Variants in DTX4 observed in about 807,000 individuals in gnomAD.
DTX4 encodes the protein deltex E3 ubiquitin ligase 4, also known as E3 ubiquitin-protein ligase DTX4.
A neutral mutation model predicts 57.6 loss-of-function variants in DTX4; 28 were observed. That is an observed-to-expected ratio of 0.49 (90% confidence interval 0.36 to 0.67). The LOEUF (loss-of-function observed/expected upper bound fraction) is 0.67, where lower values mean the gene tolerates loss of function less well. DTX4 is among the 30% of genes least tolerant of loss of function. The pLI is 0.00. For missense variants in DTX4, 715 were observed against 836.8 expected, an observed-to-expected ratio of 0.85 and a Z score of 1.80; for synonymous variants, 316 against 331.0, an observed-to-expected ratio of 0.95 and a Z score of 0.49.
intron 4 of DTX4, among the ~76,000 whole-genome samples, chr11:59,190,198 T>A (rs1862578844): frequency 6.6e-6 from 1 of 152,212 alleles, no homozygotes; most frequent in Non-Finnish European, 1.5e-5. Context: ...CGTCAAGATT[T>A]CCCTGCTTAA....
rs1862333520 is a variant in DTX4, at chr11:59,172,232, G to T, written c.-364G>T. ...GGTCCTTGCCTCGCCGTCAGCCCCA[G>T]CTCGCGGCCGCCGGGGCTCGGGCCG... is the stretch of plus-strand genomic sequence containing the variant. On this transcript the variant is annotated 5_prime_UTR_variant, in exon 1 of 9. Transcript: ENST00000227451. Among the ~76,000 whole-genome samples, 1 of 152,092 alleles carries T rather than the reference G, an allele frequency of 6.6e-6. No individual in the cohort carries two copies. Among genetic ancestry groups the T allele is most frequent in the Admixed American group, 6.5e-5 (1 of 15,278 alleles).
chr11:59,171,967 G>T (rs1252778658), upstream of DTX4, among the ~76,000 whole-genome samples: 3 of 152,138 alleles, frequency 2.0e-5, no homozygotes, highest in Admixed American at 2.0e-4. Flanking sequence ...GGAAACACAC[G>T]CGGGCGCGGG....
Position 59,205,022 on chromosome 11 carries a change from C to G in DTX4, c.*113C>G. On this transcript the variant is annotated 3_prime_UTR_variant, in exon 9 of 9. Coordinates refer to ENST00000227451, the MANE Select transcript of DTX4 (RefSeq NM_015177.2). ...CCTGCCCTCCCAACTTTCTATCCTC[C>G]CCTCCTGCCCTGTGTCCATCCCTCA... The G allele has an allele frequency of 1.1e-6, 1 of 886,202 alleles. No homozygotes were observed. Among genetic ancestry groups the G allele is most frequent in the Non-Finnish European group, 1.7e-6 (1 of 571,602 alleles). The allele number at this position is 886,202 out of a possible 1,614,324, so 54.9% of individuals were successfully genotyped here. A position where few individuals can be genotyped will look rare whatever the true frequency, so the allele number is the denominator to read the frequency against.
In DTX4 at chr11:59,207,197, A is replaced by G. The variant is rs779895779; in HGVS notation, c.*2288A>G. ...GGAGGTGGGGAAGAAAAGAAGACAG[A>G]CTTTCAAAATGGAATTAGGCACTGG... On this transcript the variant is annotated 3_prime_UTR_variant, in exon 9 of 9. Transcript: ENST00000227451. The G allele has an allele frequency of 1.3e-5, 2 of 152,308 alleles. No individual in the cohort carries two copies. Among genetic ancestry groups the G allele is most frequent in the Admixed American group, 1.3e-4 (2 of 15,288 alleles). 9.4% of individuals were successfully genotyped at this position (152,308 alleles called of 1,614,324 possible). A position where few individuals can be genotyped will look rare whatever the true frequency, so the allele number is the denominator to read the frequency against.
chr11:59,195,191 T>C lies in DTX4; in HGVS notation c.1375-17T>C, dbSNP rs1399520035. ...AAACTGTTTCCCAATCTGGCTCTTC[T>C]GGCCTTGGCCCCTCAGGATGGAAGT... On this transcript the variant is annotated splice_polypyrimidine_tract_variant and intron_variant, in intron 6 of 8. Transcript: ENST00000227451. The C allele has an allele frequency of 6.2e-7, 1 of 1,613,986 alleles. No individual in the cohort carries two copies.
In DTX4 at chr11:59,195,276, G is replaced by T; in HGVS notation, c.1443G>T (p.Gly481=). ...YGVKTGTQPP[G]KMEYHLIPHS... ...TGAAGACAGGCACCCAACCTCCAGG[G>T]AAGATGGAGTACCACCTCATCCCCC... Residue 481 remains glycine, a synonymous_variant, in exon 7 of 9, where the codon GGG becomes GGT. Transcript: ENST00000227451. 3 of 1,613,914 alleles carry T rather than the reference G, an allele frequency of 1.9e-6. No homozygotes were observed. The highest frequency in any genetic ancestry group is 2.5e-6 in the Non-Finnish European group (3 of 1,179,854).
At chr11:59,202,335 G>A (rs1268776089) in intron 8 of DTX4, among the ~76,000 whole-genome samples, 2 of 152,206 alleles carry the variant, frequency 1.3e-5, no homozygotes, top group Admixed American at 1.3e-4. Flanking sequence ...CTAGCTGTGG[G>A]AACTGGTTGG....
chr11:59,190,965 A>G (rs1472954142), intron 4 of DTX4, 149 bp from the exon 5 acceptor site: 2 of 680,462 alleles, frequency 2.9e-6, no homozygotes, highest in African/African-American at 1.8e-5. Context: ...ACTCTCTTCC[A>G]TGTTCTTAAC....
intron 1 of DTX4, among the ~76,000 whole-genome samples, chr11:59,180,531 G>A (rs1215247394): frequency 6.6e-6 from 1 of 152,190 alleles, no homozygotes; most frequent in Non-Finnish European, 1.5e-5. Flanking sequence ...TGGAGGAGGG[G>A]TGGGTCAGAG....
Position 59,185,998 on chromosome 11 carries a change from G to A in DTX4, c.936-2737G>A, listed in dbSNP as rs115865722. Reference sequence around the variant, plus strand: ...AAGGCAAAGCAGGTCAGTGCTGAGCGGGGCTAAAACAAAGACTCCCTGACT... The same window carrying A: ...AAGGCAAAGCAGGTCAGTGCTGAGCAGGGCTAAAACAAAGACTCCCTGACT... On this transcript the variant is annotated intron_variant, in intron 2 of 8. Transcript: ENST00000227451. 4.6e-3 allele frequency among the ~76,000 whole-genome samples: 702 copies of A among 152,212 alleles called. 6 individuals carry two copies. The highest frequency in any genetic ancestry group is 0.016 in the African/African-American group (677 of 41,528).
In DTX4 at chr11:59,172,532, G is replaced by T; in HGVS notation, c.-64G>T. 1 of 1,150,552 alleles carries T rather than the reference G, an allele frequency of 8.7e-7. No individual in the cohort carries two copies. Among genetic ancestry groups the T allele is most frequent in the Middle Eastern group, 3.3e-4 (1 of 3,066 alleles). 71.3% of individuals were successfully genotyped at this position (1,150,552 alleles called of 1,614,324 possible). ...CGGAGGCGGCGGCGCAGGAGGAAGC[G>T]GAGGAGGTCGGGCGCTCGGGGCCCG... On this transcript the variant is annotated 5_prime_UTR_variant, in exon 1 of 9. Transcript: ENST00000227451.
At chr11:59,204,192 G>T (rs1862774435) in intron 8 of DTX4, among the ~76,000 whole-genome samples, 1 of 152,108 alleles carries the variant, frequency 6.6e-6, no homozygotes. Flanking sequence ...TTCAGCTTTG[G>T]ATAAATTAAT....
intron 5 of DTX4, 85 bp downstream of exon 5, chr11:59,191,260 G>A: frequency 7.3e-7 from 1 of 1,365,914 alleles, no homozygotes; most frequent in Middle Eastern, 1.8e-4. Flanking sequence ...TACAGGATAT[G>A]GCGGGGGCTG....
intron 7 of DTX4, among the ~76,000 whole-genome samples, chr11:59,197,602 C>T (rs940474395): frequency 1.3e-5 from 2 of 152,120 alleles, no homozygotes; most frequent in African/African-American, 4.8e-5. Flanking sequence ...GAAGGCTAGT[C>T]AGGCAAAAGA....
chr11:59,184,579 C>G (rs1274966728), intron 2 of DTX4, among the ~76,000 whole-genome samples: 1 of 152,188 alleles, frequency 6.6e-6, no homozygotes, highest in Non-Finnish European at 1.5e-5. Context: ...GTGCCCTTGA[C>G]AAATGCCAAG....
chr11:59,199,891 CTT>C, intron 8 of DTX4, 118 bp downstream of exon 8: 4 of 827,596 alleles, frequency 4.8e-6, no homozygotes, highest in Non-Finnish European at 7.6e-6. Flanking sequence ...AACTGTGTCT[CTT>C]TTAAGTCTAG....
At position 59,200,720 on chromosome 11, in the gene DTX4, T is replaced by TA. The variant is rs80039420; in HGVS notation, c.1626+953dup. On this transcript the variant is annotated intron_variant, in intron 8 of 8. Transcript: ENST00000227451. ...GGTTCTATGAACTCTAAAATTAGAA[T>TA]AAAAAATTTATGTTTGTATTTCTAT... 4.1e-4 allele frequency among the ~76,000 whole-genome samples: 63 copies of TA among 152,330 alleles called. 1 individual carries two copies. In the East Asian group the frequency reaches 0.012, roughly 28 times the overall value.
chr11:59,199,560 TTC>T, intron 7 of DTX4, 122 bp from the exon 8 acceptor site: 1 of 794,164 alleles, frequency 1.3e-6, no homozygotes, highest in Non-Finnish European at 2.0e-6. Flanking sequence ...TTTGGGTCTG[TTC>T]TCTGTTGAAG....
In DTX4 at chr11:59,206,313, C is replaced by CT. The variant is rs1259133478; in HGVS notation, c.*1405dup. On this transcript the variant is annotated 3_prime_UTR_variant, in exon 9 of 9. Coordinates refer to ENST00000227451, the MANE Select transcript of DTX4 (RefSeq NM_015177.2). ...CTGCATCTTGTTGTGTCCCAAGACC[C>CT]TATCTCCTCCCCAACATTCTTATTG... 6 of 152,462 alleles carry CT rather than the reference C, an allele frequency of 3.9e-5. No individual in the cohort carries two copies. The highest frequency in any genetic ancestry group is 3.9e-4 in the Admixed American group (6 of 15,260). 9.4% of individuals were successfully genotyped at this position (152,462 alleles called of 1,614,324 possible).
Sources: gnomAD v4.1 joint callset for allele counts (sites outside exome capture counted in the v4.1 genomes callset) on GRCh38, gnomAD v4.1.1 for gene constraint, MANE v1.5 for transcripts, NCBI Gene and HGNC (gene_info 2026-07-23, HGNC 2026-07-21) for gene names.